The following CNTNAP5 variants were observed in gnomAD, a reference collection of about 807,000 sequenced individuals.
The protein encoded by CNTNAP5 is contactin-associated protein-like 5.
Under a neutral mutation model 150.2 loss-of-function variants are expected in CNTNAP5, and 72 were observed. The ratio of observed to expected loss-of-function variants is 0.48; its 90% confidence interval spans 0.40 to 0.58. The LOEUF is 0.58. Among genes scored for constraint, CNTNAP5 ranks in the 20% least tolerant of loss-of-function variants. The probability of loss-of-function intolerance (pLI) is 0.00; values close to 1 mark genes in which losing one functional copy is unlikely to be tolerated. For missense variants in CNTNAP5, 1,636 were observed against 1,626.2 expected (o/e 1.01, Z -0.10); for synonymous variants, 672 against 619.8 (o/e 1.08, Z -1.25).
intron 19 of CNTNAP5, among the ~76,000 whole-genome samples, chr2:124,813,785 C>T (rs551692927): frequency 3.9e-5 from 6 of 151,904 alleles, no homozygotes; most frequent in Non-Finnish European, 7.4e-5. Context: ...CATCAAACAC[C>T]ACACTTTACT....
chr2:124,443,014 T>C (rs1279849019), intron 5 of CNTNAP5, among the ~76,000 whole-genome samples: 3 of 152,046 alleles, frequency 2.0e-5, no homozygotes, highest in African/African-American at 7.2e-5. Flanking sequence ...TATAGGACAA[T>C]TTGGCAGTAT....
intron 2 of CNTNAP5, among the ~76,000 whole-genome samples, chr2:124,239,063 A>G (rs1686819419): frequency 6.6e-6 from 1 of 152,200 alleles, no homozygotes; most frequent in Non-Finnish European, 1.5e-5. Context: ...GAATGGTAAC[A>G]ACAGCTATTC....
chr2:124,343,213 G>A (rs1253456741), intron 3 of CNTNAP5, among the ~76,000 whole-genome samples: 3 of 152,172 alleles, frequency 2.0e-5, no homozygotes, highest in Non-Finnish European at 4.4e-5. Context: ...ATAATTAAAT[G>A]TAATAACCGA....
At chr2:124,671,625 C>G (rs1478497648) in intron 13 of CNTNAP5, among the ~76,000 whole-genome samples, 1 of 151,950 alleles carries the variant, frequency 6.6e-6, no homozygotes, top group Non-Finnish European at 1.5e-5. Flanking sequence ...ATCTTAGAGA[C>G]TCTTATTTTT....
At chr2:124,899,521 CTGT>C (rs1678373670) in intron 21 of CNTNAP5, among the ~76,000 whole-genome samples, 1 of 151,584 alleles carries the variant, frequency 6.6e-6, no homozygotes, top group Non-Finnish European at 1.5e-5. Flanking sequence ...TTTGGATATG[CTGT>C]TGTTTTTTCT....
chr2:124,883,114 A>C (rs1272378512), intron 21 of CNTNAP5, among the ~76,000 whole-genome samples: 1 of 149,270 alleles, frequency 6.7e-6, no homozygotes, highest in African/African-American at 2.5e-5. Context: ...TCTTGGCCAG[A>C]CTAGAGTGCA....
intron 7 of CNTNAP5, among the ~76,000 whole-genome samples, chr2:124,491,755 CT>C (rs779522824): frequency 8.6e-4 from 126 of 146,352 alleles, no homozygotes; most frequent in African/African-American, 1.6e-3. Flanking sequence ...ATACTTGTAC[CT>C]TTTTTTTTTT....
chr2:124,282,508 C>T (rs1381477537), intron 3 of CNTNAP5, among the ~76,000 whole-genome samples: 1 of 152,124 alleles, frequency 6.6e-6, no homozygotes, highest in African/African-American at 2.4e-5. Flanking sequence ...AGAATATGCT[C>T]ACAGCACCAA....
intron 4 of CNTNAP5, among the ~76,000 whole-genome samples, chr2:124,425,487 A>C (rs759232229): frequency 2.6e-5 from 4 of 152,132 alleles, no homozygotes; most frequent in Admixed American, 6.5e-5. Context: ...TCCTTCTGTG[A>C]GTTTGTGGCT....
intron 3 of CNTNAP5, among the ~76,000 whole-genome samples, chr2:124,371,912 A>T (rs1424898856): frequency 6.6e-6 from 1 of 152,048 alleles, no homozygotes; most frequent in Non-Finnish European, 1.5e-5. Context: ...TTAATATTAG[A>T]TGTCATCTTG....
At chr2:124,801,702 T>C (rs1681970275) in intron 19 of CNTNAP5, among the ~76,000 whole-genome samples, 1 of 152,226 alleles carries the variant, frequency 6.6e-6, no homozygotes, top group Non-Finnish European at 1.5e-5. Flanking sequence ...GAATCGATAT[T>C]CTTACAGCTT....
At chr2:124,590,030 T>A (rs1387104087) in intron 11 of CNTNAP5, among the ~76,000 whole-genome samples, 2 of 152,120 alleles carry the variant, frequency 1.3e-5, no homozygotes, top group South Asian at 2.1e-4. Context: ...TTAGTTACTA[T>A]GTTTCTCATC....
At chr2:124,769,824 G>A (rs535985044) in intron 16 of CNTNAP5, among the ~76,000 whole-genome samples, 1 of 152,258 alleles carries the variant, frequency 6.6e-6, no homozygotes, top group Non-Finnish European at 1.5e-5. Flanking sequence ...CACTGGGTCA[G>A]CTTACTTAGG....
chr2:124,782,606 C>A (rs137901346), intron 17 of CNTNAP5, among the ~76,000 whole-genome samples: 2 of 151,208 alleles, frequency 1.3e-5, no homozygotes, highest in Admixed American at 6.6e-5. Context: ...ATTTTTTTTT[C>A]ATCTGTAGTT....
At chr2:124,398,704 C>T (rs1296786929) in intron 3 of CNTNAP5, among the ~76,000 whole-genome samples, 4 of 152,108 alleles carry the variant, frequency 2.6e-5, no homozygotes, top group Non-Finnish European at 5.9e-5. Context: ...TGGTCTTGAA[C>T]TCCCGACCTC....
At chr2:124,672,406 T>C (rs1678843317) in intron 13 of CNTNAP5, among the ~76,000 whole-genome samples, 1 of 152,224 alleles carries the variant, frequency 6.6e-6, no homozygotes. Flanking sequence ...GAGGAAATTT[T>C]TGTAAAATTT....
intron 12 of CNTNAP5, among the ~76,000 whole-genome samples, chr2:124,629,805 T>C (rs1380492844): frequency 9.4e-6 from 1 of 106,318 alleles, no homozygotes; most frequent in Non-Finnish European, 2.0e-5. Context: ...ACCAATAAAA[T>C]AGATAGACTG....
chr2:124,435,545 A>T (rs554462753), intron 5 of CNTNAP5, among the ~76,000 whole-genome samples: 16 of 152,326 alleles, frequency 1.1e-4, no homozygotes, highest in Non-Finnish European at 1.8e-4. Context: ...GTTTTTCATA[A>T]GAATGACTCC....
chr2:124,559,622 C>A (rs1354623066), intron 10 of CNTNAP5, among the ~76,000 whole-genome samples: 7 of 152,182 alleles, frequency 4.6e-5, no homozygotes, highest in Non-Finnish European at 8.8e-5. Context: ...TGCCCTCACG[C>A]TTAATTCACT....
Sources: gnomAD v4.1 joint callset for allele counts (sites outside exome capture counted in the v4.1 genomes callset) on GRCh38, gnomAD v4.1.1 for gene constraint, MANE v1.5 for transcripts, NCBI Gene and HGNC (gene_info 2026-07-23, HGNC 2026-07-21) for gene names.